The following STK32A variants were observed in gnomAD, a reference collection of about 807,000 sequenced individuals.
The protein encoded by STK32A is serine/threonine-protein kinase 32A.
A neutral mutation model predicts 53.2 loss-of-function variants in STK32A; 41 were observed. The ratio of observed to expected loss-of-function variants is 0.77; its 90% confidence interval spans 0.60 to 1.00. The LOEUF is 1.00. Ranked by LOEUF, STK32A falls within the 50% of genes least tolerant of loss-of-function variation. STK32A has a pLI of 0.00. For synonymous variants in STK32A, 166 were observed against 162.8 expected (o/e 1.02, Z -0.15); for missense variants, 458 against 485.8 (o/e 0.94, Z 0.54).
At chr5:147,330,624 G>A (rs965844100) in intron 5 of STK32A, among the ~76,000 whole-genome samples, 1 of 152,226 alleles carries the variant, frequency 6.6e-6, no homozygotes, top group Non-Finnish European at 1.5e-5. Flanking sequence ...CCCTGTCAAG[G>A]AAGAAGTGAG....
At chr5:147,328,189 C>A (rs1258253623) in intron 5 of STK32A, among the ~76,000 whole-genome samples, 1 of 152,148 alleles carries the variant, frequency 6.6e-6, no homozygotes, top group Non-Finnish European at 1.5e-5. Context: ...AAGAGGAGCT[C>A]AATGGATGGA....
chr5:147,383,160 G>T, intron 11 of STK32A: 1 of 425,144 alleles, frequency 2.4e-6, no homozygotes, highest in Non-Finnish European at 4.1e-6. Flanking sequence ...AGCCTTCCCT[G>T]AAAGTTGCAA....
At chr5:147,291,193 T>C (rs774728640) in intron 4 of STK32A, among the ~76,000 whole-genome samples, 1 of 152,180 alleles carries the variant, frequency 6.6e-6, no homozygotes, top group African/African-American at 2.4e-5. Context: ...TCCCCCCTTT[T>C]CATCAAGATT....
intron 5 of STK32A, among the ~76,000 whole-genome samples, chr5:147,336,254 T>C (rs553963348): frequency 3.2e-4 from 49 of 152,240 alleles, no homozygotes; most frequent in Middle Eastern, 6.8e-3. Flanking sequence ...GCCCTATCAG[T>C]TGTATTTCAG....
At chr5:147,247,436 G>A (rs1053979301) in intron 2 of STK32A, among the ~76,000 whole-genome samples, 1 of 152,248 alleles carries the variant, frequency 6.6e-6, no homozygotes, top group Non-Finnish European at 1.5e-5. Context: ...GAATCCAATA[G>A]CCTTGCATAG....
At chr5:147,249,025 C>T (rs370591204) in intron 2 of STK32A, among the ~76,000 whole-genome samples, 1 of 152,186 alleles carries the variant, frequency 6.6e-6, no homozygotes, top group East Asian at 1.9e-4. Flanking sequence ...ATCAGTGGTT[C>T]CCAGTCACTC....
intron 2 of STK32A, among the ~76,000 whole-genome samples, chr5:147,255,323 T>C (rs556895823): frequency 6.6e-6 from 1 of 152,266 alleles, no homozygotes; most frequent in South Asian, 2.1e-4. Context: ...AAGAAGCTTC[T>C]CTGGATAAGG....
chr5:147,282,626 C>T (rs772290678), intron 4 of STK32A, among the ~76,000 whole-genome samples: 5 of 151,746 alleles, frequency 3.3e-5, no homozygotes, highest in South Asian at 2.1e-4. Flanking sequence ...ACACCAAAAG[C>T]GAGGAGGGGT....
chr5:147,325,875 A>G (rs1754561729), intron 5 of STK32A, among the ~76,000 whole-genome samples: 1 of 152,168 alleles, frequency 6.6e-6, no homozygotes, highest in Non-Finnish European at 1.5e-5. Context: ...AAAATTGCCA[A>G]CCACAGCCTA....
At chr5:147,399,032 C>G in the STK32A span, 1 of 1,593,278 alleles carries the variant, frequency 6.3e-7, no homozygotes, top group South Asian at 1.1e-5. Flanking sequence ...TGACCAAGTT[C>G]CTTGCATGCA....
rs115406648 is a variant in STK32A at position 147,262,018 on chromosome 5, A to G, written c.53-16106A>G. 2.1e-3 allele frequency among the ~76,000 whole-genome samples: 322 copies of G among 152,312 alleles called. 5 individuals carry two copies. Among genetic ancestry groups the G allele is most frequent in the African/African-American group, 7.4e-3 (306 of 41,560 alleles). On this transcript the variant is annotated intron_variant, in intron 2 of 12. Transcript: ENST00000397936. ...ACTTGAGAGGCATTTGCGAGGTTAA[A>G]TGAGAGTGACCGATGCTGTACAAGA...
chr5:147,368,673 A>C (rs964950332), intron 8 of STK32A, among the ~76,000 whole-genome samples: 1 of 152,194 alleles, frequency 6.6e-6, no homozygotes, highest in African/African-American at 2.4e-5. Context: ...AAAATTTAGA[A>C]CTGTAAAAGT....
At position 147,293,004 on chromosome 5, in the gene STK32A, T is replaced by C. The variant is rs1478658039; in HGVS notation, c.260+13606T>C. Among the ~76,000 whole-genome samples, 8 of 152,352 alleles carry C rather than the reference T, an allele frequency of 5.3e-5. No homozygotes were observed. The East Asian group carries it at 1.5e-3, about 29-fold the overall frequency. On this transcript the variant is annotated intron_variant, in intron 4 of 12. Coordinates refer to ENST00000397936, the MANE Select transcript of STK32A (RefSeq NM_001112724.2). ...TGAAAGTTTTTACATAATCCATTGATATGATTTCCAAAACCTTCAGAAACT... is the reference window on the plus strand; with the variant it reads ...TGAAAGTTTTTACATAATCCATTGACATGATTTCCAAAACCTTCAGAAACT...
At chr5:147,275,031 A>C (rs1755193316) in intron 2 of STK32A, among the ~76,000 whole-genome samples, 1 of 152,228 alleles carries the variant, frequency 6.6e-6, no homozygotes, top group South Asian at 2.1e-4. Context: ...ACACAAAAAC[A>C]GATTGCAAGT....
At chr5:147,308,181 C>T (rs1753515932) in intron 4 of STK32A, among the ~76,000 whole-genome samples, 1 of 149,546 alleles carries the variant, frequency 6.7e-6, no homozygotes, top group Admixed American at 6.7e-5. Context: ...CATGCATATA[C>T]ATATATATGC....
chr5:147,326,526 G>A (rs1055450493), intron 5 of STK32A, among the ~76,000 whole-genome samples: 2 of 152,098 alleles, frequency 1.3e-5, no homozygotes, highest in Non-Finnish European at 2.9e-5. Flanking sequence ...GTGACATTTG[G>A]TGTATAATTA....
At chr5:147,372,612 G>A (rs1397507976) in intron 9 of STK32A, among the ~76,000 whole-genome samples, 1 of 152,042 alleles carries the variant, frequency 6.6e-6, no homozygotes, top group Non-Finnish European at 1.5e-5. Context: ...CTCAGGAATG[G>A]TTAAGGGGGC....
intron 2 of STK32A, among the ~76,000 whole-genome samples, chr5:147,260,425 C>T (rs76670019): frequency 2.0e-5 from 3 of 151,656 alleles, no homozygotes; most frequent in Admixed American, 6.6e-5. Context: ...CCTAAGGGAG[C>T]GACCGGTGGG....
chr5:147,257,083 A>G (rs1754269097), intron 2 of STK32A, among the ~76,000 whole-genome samples: 2 of 152,180 alleles, frequency 1.3e-5, no homozygotes, highest in Non-Finnish European at 2.9e-5. Context: ...AATTATAGAT[A>G]ATAACCTGTA....
Sources: gnomAD v4.1 joint callset for allele counts (sites outside exome capture counted in the v4.1 genomes callset) on GRCh38, gnomAD v4.1.1 for gene constraint, MANE v1.5 for transcripts, NCBI Gene and HGNC (gene_info 2026-07-23, HGNC 2026-07-21) for gene names.